Variants in PLEKHA5 observed in about 807,000 individuals in gnomAD.
The protein encoded by PLEKHA5 is pleckstrin homology domain containing A5.
In PLEKHA5, 55 loss-of-function variants were observed where a neutral mutation model predicts 181.9. The ratio of observed to expected loss-of-function variants is 0.30; its 90% CI spans 0.24 to 0.38. The LOEUF (loss-of-function observed/expected upper bound fraction) is 0.38, where lower values mean the gene tolerates loss of function less well. PLEKHA5 is among the 10% of genes least tolerant of loss of function. The pLI, the probability that PLEKHA5 is intolerant of heterozygous loss-of-function variation, is 1.00. For synonymous variants in PLEKHA5, 535 were observed against 529.4 expected (o/e 1.01, Z -0.15); for missense variants, 1,432 against 1,549.5 (o/e 0.92, Z 1.27).
intron 3 of PLEKHA5, among the ~76,000 whole-genome samples, chr12:19,174,348 T>C (rs570626934): frequency 2.6e-5 from 4 of 152,328 alleles, no homozygotes; most frequent in East Asian, 1.9e-4. Flanking sequence ...ATATTCGCTC[T>C]ATGTGTATAT....
chr12:19,161,282 A>G (rs2042907500), intron 3 of PLEKHA5, among the ~76,000 whole-genome samples: 2 of 152,116 alleles, frequency 1.3e-5, no homozygotes, highest in Admixed American at 6.6e-5. Flanking sequence ...TTGTGCTCCC[A>G]AGTGCTTGTT....
chr12:19,297,946 C>T (rs1045236887), intron 15 of PLEKHA5, among the ~76,000 whole-genome samples: 4 of 152,024 alleles, frequency 2.6e-5, no homozygotes, highest in Admixed American at 6.6e-5. Flanking sequence ...TGGCTCACGC[C>T]TGTAATCCCA....
chr12:19,198,380 C>T (rs968102812), intron 3 of PLEKHA5, among the ~76,000 whole-genome samples: 4 of 152,188 alleles, frequency 2.6e-5, no homozygotes, highest in Admixed American at 6.5e-5. Context: ...TCTCTCTATC[C>T]GGATTTCTTT....
chr12:19,276,005 A>G (rs1433562183), intron 11 of PLEKHA5, among the ~76,000 whole-genome samples: 2 of 152,218 alleles, frequency 1.3e-5, no homozygotes, highest in Non-Finnish European at 2.9e-5. Flanking sequence ...CTGTAGGAAC[A>G]CATTTCGGGA....
intron 20 of PLEKHA5, among the ~76,000 whole-genome samples, chr12:19,333,588 C>CA (rs1367935341): frequency 6.9e-6 from 1 of 144,522 alleles, no homozygotes; most frequent in Non-Finnish European, 1.5e-5. Flanking sequence ...GGCTCCATCT[C>CA]AAAAAAGAGT....
chr12:19,249,127 G>A lies in PLEKHA5; in HGVS notation c.228-4813G>A, dbSNP rs557035756. Among the ~76,000 whole-genome samples, 13 of 152,298 alleles carry A rather than the reference G, an allele frequency of 8.5e-5. No individual in the cohort carries two copies. The East Asian group carries it at 1.7e-3, about 20-fold the overall frequency. On this transcript the variant is annotated intron_variant, in intron 3 of 31. Transcript: ENST00000429027. ...GTAGGAAGATCACTTGAGCCCAGGA[G>A]TTTGAGGCCAGACTGGGCAACCCAG... is the stretch of plus-strand genomic sequence containing the variant.
At chr12:19,165,581 G>A (rs558220564) in intron 3 of PLEKHA5, among the ~76,000 whole-genome samples, 1 of 152,224 alleles carries the variant, frequency 6.6e-6, no homozygotes, top group East Asian at 1.9e-4. Context: ...AATTGGCAGT[G>A]ATAGGCTCTT....
At position 19,283,556 on chromosome 12, in the gene PLEKHA5, G is replaced by A; in HGVS notation, c.1590G>A (p.Leu530=). The part of the protein sequence containing the change: ...KQSTLPRHST[L]SSPKTMVNIS... ...GCACCCTCCCTCGACACAGTACTTT[G>A]AGTAGTCCCAAAACCATGGTAAATA... The change falls in exon 12 of 32, where the codon TTG becomes TTA. Residue 530 remains leucine, a synonymous_variant. Coordinates refer to ENST00000429027, the MANE Select transcript of PLEKHA5 (RefSeq NM_001256470.2). The A allele has an allele frequency of 6.2e-7, 1 of 1,614,168 alleles. No individual in the cohort carries two copies.
Position 19,368,954 on chromosome 12 carries a change from CT to C in PLEKHA5, c.3755-738del, listed in dbSNP as rs1453334329. ...ATCCATAGTATTTAGCTGCATAGAA[CT>C]AAAAAAAGTTCCAACAGAAAATTAA... On this transcript the variant is annotated intron_variant, in intron 30 of 31. Transcript: ENST00000429027. Among the ~76,000 whole-genome samples the C allele has an allele frequency of 1.5e-4, 4 of 27,498 alleles. No homozygotes were observed. In the Non-Finnish European group the frequency reaches 4.1e-3, roughly 28 times the overall value. The allele number at this position is 27,498 out of a possible 152,430, so 18.0% of individuals were successfully genotyped here.
chr12:19,270,444 A>G (rs1234064100), intron 10 of PLEKHA5, among the ~76,000 whole-genome samples: 1 of 152,174 alleles, frequency 6.6e-6, no homozygotes, highest in Non-Finnish European at 1.5e-5. Flanking sequence ...GTCTCCAGAA[A>G]ATAGTTCGTC....
chr12:19,186,044 C>T (rs931491811), intron 3 of PLEKHA5, among the ~76,000 whole-genome samples: 1 of 152,166 alleles, frequency 6.6e-6, no homozygotes, highest in Non-Finnish European at 1.5e-5. Flanking sequence ...CAACCACATA[C>T]ATGTCTTAGG....
rs141679740 is a variant in PLEKHA5, at chr12:19,307,028, T to G, written c.2038-7786T>G. On this transcript the variant is annotated intron_variant, in intron 15 of 31. Transcript: ENST00000429027. ...GGGGCTCCTACTCTTGTTCCTGCCCTTGCTGCGCTTGGGCTTCCTGGAGCA... is the reference window on the plus strand; with the variant it reads ...GGGGCTCCTACTCTTGTTCCTGCCCGTGCTGCGCTTGGGCTTCCTGGAGCA... 1.6e-5 allele frequency: 24 copies of G among 1,486,214 alleles called. No individual in the cohort carries two copies. The African/African-American group carries it at 3.2e-4, about 20-fold the overall frequency. 92.1% of individuals were successfully genotyped at this position (1,486,214 alleles called of 1,614,324 possible). A position where few individuals can be genotyped will look rare whatever the true frequency, so the allele number is the denominator to read the frequency against.
intron 3 of PLEKHA5, among the ~76,000 whole-genome samples, chr12:19,157,160 A>G (rs1250553301): frequency 6.6e-6 from 1 of 151,780 alleles, no homozygotes; most frequent in Non-Finnish European, 1.5e-5. Context: ...TTACCCTCGT[A>G]TATGTTATAG....
chr12:19,278,795 A>G (rs1349478719), intron 11 of PLEKHA5, among the ~76,000 whole-genome samples: 3 of 152,168 alleles, frequency 2.0e-5, no homozygotes, highest in East Asian at 1.9e-4. Flanking sequence ...GCAATTGGGT[A>G]CCTTTCTCCC....
intron 22 of PLEKHA5, 144 bp downstream of exon 22, chr12:19,343,578 G>A: frequency 1.6e-6 from 1 of 643,398 alleles, no homozygotes; most frequent in Non-Finnish European, 2.8e-6. Flanking sequence ...CTAGTTGTAT[G>A]GCCTACTACA....
Position 19,358,272 on chromosome 12 carries a change from T to A in PLEKHA5, c.3183T>A (p.Ser1061Arg), listed in dbSNP as rs189879055. 1 of 1,614,014 alleles carries A rather than the reference T, an allele frequency of 6.2e-7. No individual in the cohort carries two copies. Among genetic ancestry groups the A allele is most frequent in the Admixed American group, 1.7e-5 (1 of 59,984 alleles). Residue 1061 changes from serine (S) to arginine (R), a missense_variant, in exon 27 of 32, where the codon AGT becomes AGA. Transcript: ENST00000429027. ...TGGAACAGCTCTGTTTGGCTGAAAG[T>A]ACTCGACCAAGGATGACTGTGGAAG... is the stretch of plus-strand genomic sequence containing the variant. ...SAVEQLCLAE[S>R]TRPRMTVEEQ...
At chr12:19,279,225 C>T (rs961588940) in intron 11 of PLEKHA5, among the ~76,000 whole-genome samples, 2 of 151,884 alleles carry the variant, frequency 1.3e-5, no homozygotes. Flanking sequence ...ATATTCATAT[C>T]GTGGCAAAAT....
At chr12:19,364,417 A>G (rs2095357405) in intron 29 of PLEKHA5, among the ~76,000 whole-genome samples, 2 of 151,964 alleles carry the variant, frequency 1.3e-5, no homozygotes, top group Non-Finnish European at 2.9e-5. Flanking sequence ...AGACTGAGGC[A>G]CAAGAATTGC....
chr12:19,284,062 T>TTTG (rs761643960), intron 12 of PLEKHA5, among the ~76,000 whole-genome samples: 10 of 152,002 alleles, frequency 6.6e-5, no homozygotes, highest in African/African-American at 1.9e-4. Context: ...TTCTGTTGTT[T>TTTG]TTGTTGTTGT....
Sources: gnomAD v4.1 joint callset for allele counts (sites outside exome capture counted in the v4.1 genomes callset) on GRCh38, gnomAD v4.1.1 for gene constraint, MANE v1.5 for transcripts, NCBI Gene and HGNC (gene_info 2026-07-23, HGNC 2026-07-21) for gene names.